The following RORA variants were observed in gnomAD, a reference collection of about 807,000 sequenced individuals.
RORA encodes the protein nuclear receptor ROR-alpha.
RORA carries 7 observed loss-of-function variants against 69.5 expected under a neutral mutation model. The ratio of observed to expected loss-of-function variants is 0.10; its 90% confidence interval spans 0.06 to 0.19. RORA has a LOEUF of 0.19. RORA is among the 10% of genes least tolerant of loss of function. The pLI is 1.00. For missense variants in RORA, 457 were observed against 663.0 expected (o/e 0.69, Z 3.41); for synonymous variants, 261 against 240.8 (o/e 1.08, Z -0.78).
intron 2 of RORA, among the ~76,000 whole-genome samples, chr15:60,533,657 A>C (rs1295815863): frequency 6.6e-6 from 1 of 152,186 alleles, no homozygotes; most frequent in African/African-American, 2.4e-5. Context: ...GAAATCCTGA[A>C]AGGTGCTATC....
At chr15:60,692,709 T>C (rs1001020732) in intron 1 of RORA, among the ~76,000 whole-genome samples, 1 of 152,204 alleles carries the variant, frequency 6.6e-6, no homozygotes, top group Non-Finnish European at 1.5e-5. Context: ...GTTGCCCCTC[T>C]TTGCATTCAT....
chr15:60,595,174 A>T (rs1436034717), intron 2 of RORA, among the ~76,000 whole-genome samples: 1 of 152,146 alleles, frequency 6.6e-6, no homozygotes, highest in Non-Finnish European at 1.5e-5. Flanking sequence ...GGAGCCATAA[A>T]TGATACATTT....
chr15:60,827,050 A>G (rs1232371945), intron 1 of RORA, among the ~76,000 whole-genome samples: 1 of 152,172 alleles, frequency 6.6e-6, no homozygotes, highest in Non-Finnish European at 1.5e-5. Context: ...TTGAAAAACA[A>G]TATTAACGCC....
rs1323659641 is a variant in RORA, at chr15:61,131,859, T to C, written c.166+97194A>G. On this transcript the variant is annotated intron_variant, in intron 1 of 10. Coordinates refer to ENST00000335670, the MANE Select transcript of RORA (RefSeq NM_134261.3). The surrounding 1 kb of genome is among the most constrained non-coding windows in gnomAD (Gnocchi z 4.2). ...TCTAAGCAAGTCATTTCTCCTTTTT[T>C]TGGTAAAATTTCATACTTGGCAAAT... is the stretch of plus-strand genomic sequence containing the variant. Among the ~76,000 whole-genome samples the C allele has an allele frequency of 6.6e-6, 1 of 152,212 alleles. No individual in the cohort carries two copies. Among genetic ancestry groups the C allele is most frequent in the Non-Finnish European group, 1.5e-5 (1 of 68,042 alleles).
intron 1 of RORA, among the ~76,000 whole-genome samples, chr15:61,068,198 T>C (rs1407099623): frequency 6.6e-6 from 1 of 152,250 alleles, no homozygotes; most frequent in Non-Finnish European, 1.5e-5. Context: ...CTTCAGTCTC[T>C]TTTTAACACA....
chr15:60,843,170 A>C (rs913888957), intron 1 of RORA, among the ~76,000 whole-genome samples: 1 of 152,194 alleles, frequency 6.6e-6, no homozygotes, highest in Non-Finnish European at 1.5e-5. Flanking sequence ...TCGCTGGGCC[A>C]CTTGGTGATT....
chr15:61,024,994 G>A (rs1262639940), intron 1 of RORA, among the ~76,000 whole-genome samples: 5 of 152,126 alleles, frequency 3.3e-5, no homozygotes, highest in Non-Finnish European at 7.4e-5. Context: ...TTTGGTTTTT[G>A]TATTTCATGG....
intron 2 of RORA, among the ~76,000 whole-genome samples, chr15:60,555,291 T>C (rs922843743): frequency 1.3e-5 from 2 of 152,164 alleles, no homozygotes; most frequent in Non-Finnish European, 2.9e-5. Context: ...GTTGCCTTGC[T>C]AAGTTAAAAG....
chr15:60,852,252 T>C (rs1002732110), intron 1 of RORA, among the ~76,000 whole-genome samples: 1 of 152,166 alleles, frequency 6.6e-6, no homozygotes, highest in Non-Finnish European at 1.5e-5. Flanking sequence ...AGGTAGTCCA[T>C]GTTTGGAGGC....
intron 1 of RORA, among the ~76,000 whole-genome samples, chr15:60,769,932 T>C (rs1314469347): frequency 2.6e-5 from 4 of 152,372 alleles, no homozygotes; most frequent in African/African-American, 4.8e-5. Context: ...TTATTTCCAC[T>C]GCCTGAAGAA....
At chr15:60,745,661 C>G (rs181500927) in intron 1 of RORA, among the ~76,000 whole-genome samples, 1 of 152,210 alleles carries the variant, frequency 6.6e-6, no homozygotes, top group African/African-American at 2.4e-5. Context: ...GTCTTGTTGG[C>G]CTGTGTCTAA....
chr15:61,145,051 C>A (rs532961503), intron 1 of RORA, among the ~76,000 whole-genome samples: 1 of 152,070 alleles, frequency 6.6e-6, no homozygotes, highest in Non-Finnish European at 1.5e-5. Context: ...CTAAAAGAAG[C>A]CTTTTTTTGT....
At chr15:61,114,627 T>C (rs1280886636) in intron 1 of RORA, among the ~76,000 whole-genome samples, 3 of 152,250 alleles carry the variant, frequency 2.0e-5, no homozygotes, top group Non-Finnish European at 4.4e-5. Flanking sequence ...AAAAATGCTA[T>C]AGGCCAATGC....
intron 1 of RORA, chr15:60,681,638 A>C (rs943293023): frequency 6.6e-6 from 1 of 152,226 alleles, no homozygotes; most frequent in Admixed American, 6.5e-5. Flanking sequence ...CGCAGCAGGC[A>C]TGTGTGCCTG....
At position 61,147,933 on chromosome 15, in the gene RORA, GCA is replaced by G. The variant is rs1276452500; in HGVS notation, c.166+81118_166+81119del. 6.6e-5 allele frequency among the ~76,000 whole-genome samples: 10 copies of G among 152,154 alleles called. No homozygotes were observed. The highest frequency in any genetic ancestry group is 2.4e-4 in the African/African-American group (10 of 41,410). ...CATCCAGAATTACCTTAAGAAATAG[GCA>G]TTTTATCAGGAAGGTTATGGAGAGC... On this transcript the variant is annotated intron_variant, in intron 1 of 10. Coordinates refer to ENST00000335670, the MANE Select transcript of RORA (RefSeq NM_134261.3). This position sits in a 1 kb window ranked among gnomAD's most constrained non-coding sequence, Gnocchi z 4.1.
intron 1 of RORA, among the ~76,000 whole-genome samples, chr15:60,750,025 G>C (rs919680763): frequency 6.6e-6 from 1 of 152,198 alleles, no homozygotes. Context: ...GCAAGACTCT[G>C]TCTTAAAAAC....
At chr15:60,851,183 C>T (rs1284353295) in intron 1 of RORA, among the ~76,000 whole-genome samples, 1 of 152,196 alleles carries the variant, frequency 6.6e-6, no homozygotes, top group Non-Finnish European at 1.5e-5. Flanking sequence ...GAAAAACCCT[C>T]CATAATCCTT....
At chr15:60,979,470 T>G (rs1893974962) in intron 1 of RORA, among the ~76,000 whole-genome samples, 1 of 152,070 alleles carries the variant, frequency 6.6e-6, no homozygotes, top group Non-Finnish European at 1.5e-5. Context: ...TAATATTAAG[T>G]CTTCCAATCC....
chr15:60,936,837 G>A (rs894044293), intron 1 of RORA, among the ~76,000 whole-genome samples: 2 of 152,234 alleles, frequency 1.3e-5, no homozygotes, highest in Non-Finnish European at 1.5e-5. Flanking sequence ...TAGTAGAAAT[G>A]TCCAGTCGTT....
Sources: allele counts gnomAD v4.1 joint callset (sites outside exome capture counted in the v4.1 genomes callset), GRCh38; gene constraint gnomAD v4.1.1; non-coding constraint Gnocchi (gnomAD v3.1); transcripts MANE v1.5; gene names NCBI Gene and HGNC (gene_info 2026-07-23, HGNC 2026-07-21).